The following RPS6KC1 variants were observed in gnomAD, a reference collection of about 807,000 sequenced individuals.
The protein encoded by RPS6KC1 is inactive ribosomal protein S6 kinase delta-1.
In RPS6KC1, 54 loss-of-function variants were observed where a neutral mutation model predicts 103.8. The observed-to-expected ratio is 0.52, with a 90% CI of 0.42 to 0.65. The LOEUF (loss-of-function observed/expected upper bound fraction) is 0.65. Among genes scored for constraint, RPS6KC1 ranks in the 30% least tolerant of loss-of-function variants. The probability of loss-of-function intolerance (pLI) is 0.00; values close to 1 mark genes in which losing one functional copy is unlikely to be tolerated. For synonymous variants in RPS6KC1, 439 were observed against 438.7 expected, an observed-to-expected ratio of 1.00 and a Z score of -0.01; for missense variants, 1,151 against 1,253.8, an observed-to-expected ratio of 0.92 and a Z score of 1.24.
the RPS6KC1 span, among the ~76,000 whole-genome samples, chr1:213,807,213 T>C: frequency 1.3e-5 from 2 of 152,202 alleles, no homozygotes; most frequent in Non-Finnish European, 2.9e-5. Context: ...GCCCTTAGCA[T>C]TTTTTCCTTC....
chr1:213,493,912 T>G, the RPS6KC1 span, among the ~76,000 whole-genome samples: 1 of 152,144 alleles, frequency 6.6e-6, no homozygotes, highest in Non-Finnish European at 1.5e-5. Context: ...GACAGGGATT[T>G]TATAGAGTAA....
chr1:213,288,295 G>A, the RPS6KC1 span, among the ~76,000 whole-genome samples: 1 of 152,220 alleles, frequency 6.6e-6, no homozygotes, highest in African/African-American at 2.4e-5. Context: ...CATCTGGGTC[G>A]ACCCTAGTGA....
chr1:213,849,055 T>C, the RPS6KC1 span, among the ~76,000 whole-genome samples: 1 of 152,328 alleles, frequency 6.6e-6, no homozygotes, highest in South Asian at 2.1e-4. Flanking sequence ...AACCAGTGCA[T>C]GAGTCCAGTG....
At chr1:213,387,989 C>T in the RPS6KC1 span, among the ~76,000 whole-genome samples, 3 of 152,236 alleles carry the variant, frequency 2.0e-5, no homozygotes, top group Non-Finnish European at 2.9e-5. Context: ...GTGTGAGGAA[C>T]TGACTCTATC....
intron 1 of RPS6KC1, among the ~76,000 whole-genome samples, chr1:213,064,892 G>A (rs2078174429): frequency 6.8e-6 from 1 of 146,916 alleles, no homozygotes; most frequent in South Asian, 2.2e-4. Context: ...AGCCAGGATG[G>A]TCTTGATCTC....
the RPS6KC1 span, among the ~76,000 whole-genome samples, chr1:213,383,025 G>T: frequency 6.6e-6 from 1 of 152,220 alleles, no homozygotes; most frequent in African/African-American, 2.4e-5. Context: ...TTCAGCCTTT[G>T]CCAGTGCATA....
the RPS6KC1 span, among the ~76,000 whole-genome samples, chr1:213,827,793 C>T: frequency 6.6e-6 from 1 of 152,124 alleles, no homozygotes; most frequent in Non-Finnish European, 1.5e-5. Flanking sequence ...GATGAGACAC[C>T]TGAAGGAGGG....
chr1:213,595,444 T>C, the RPS6KC1 span, among the ~76,000 whole-genome samples: 1 of 152,208 alleles, frequency 6.6e-6, no homozygotes, highest in East Asian at 1.9e-4. Context: ...AAACAGCCTC[T>C]TGTCCATTTC....
At chr1:213,051,996 T>G (rs1300053849) in intron 1 of RPS6KC1, among the ~76,000 whole-genome samples, 2 of 152,194 alleles carry the variant, frequency 1.3e-5, no homozygotes, top group Non-Finnish European at 2.9e-5. Flanking sequence ...ACCTAGGAAC[T>G]GTGGATCCGG....
chr1:213,446,145 T>C, the RPS6KC1 span, among the ~76,000 whole-genome samples: 2 of 152,202 alleles, frequency 1.3e-5, no homozygotes, highest in African/African-American at 4.8e-5. Context: ...TGCATGACTT[T>C]CCACTCCAGC....
the RPS6KC1 span, among the ~76,000 whole-genome samples, chr1:213,339,519 A>G: frequency 6.6e-6 from 1 of 152,238 alleles, no homozygotes; most frequent in African/African-American, 2.4e-5. Flanking sequence ...TCTCTGCAGC[A>G]TGGAATAAGC....
At chr1:213,500,986 G>A in the RPS6KC1 span, among the ~76,000 whole-genome samples, 2 of 152,186 alleles carry the variant, frequency 1.3e-5, no homozygotes, top group South Asian at 4.2e-4. Flanking sequence ...AAACTATAAA[G>A]TATTGCTGAA....
At chr1:213,314,010 G>T in the RPS6KC1 span, among the ~76,000 whole-genome samples, 39 of 152,206 alleles carry the variant, frequency 2.6e-4, no homozygotes, top group African/African-American at 9.4e-4. Context: ...GAGGCTACGA[G>T]TTCACAATCG....
the RPS6KC1 span, among the ~76,000 whole-genome samples, chr1:213,480,725 C>A: frequency 1.3e-5 from 2 of 152,058 alleles, no homozygotes; most frequent in Admixed American, 6.5e-5. Flanking sequence ...AAAAAAGTCT[C>A]CATTCTATCT....
the RPS6KC1 span, among the ~76,000 whole-genome samples, chr1:213,831,391 A>G: frequency 6.6e-6 from 1 of 152,176 alleles, no homozygotes; most frequent in Non-Finnish European, 1.5e-5. Flanking sequence ...GGAGTGATGT[A>G]AGGAAGGGGC....
chr1:213,554,098 C>G, the RPS6KC1 span, among the ~76,000 whole-genome samples: 1 of 152,274 alleles, frequency 6.6e-6, no homozygotes, highest in South Asian at 2.1e-4. Flanking sequence ...AAGTCTTTAT[C>G]AGGGCGGATG....
chr1:213,167,439 A>ACAC (rs2091061543), intron 6 of RPS6KC1, among the ~76,000 whole-genome samples: 1 of 75,946 alleles, frequency 1.3e-5, no homozygotes, highest in East Asian at 3.4e-4. Context: ...CAAGGTTGAA[A>ACAC]ACACACACAC....
chr1:213,617,907 T>C, the RPS6KC1 span, among the ~76,000 whole-genome samples: 1 of 152,204 alleles, frequency 6.6e-6, no homozygotes, highest in Non-Finnish European at 1.5e-5. Context: ...CTTCTCAGAA[T>C]GAAAAATGTG....
the RPS6KC1 span, among the ~76,000 whole-genome samples, chr1:213,525,248 G>C: frequency 1.3e-5 from 2 of 152,176 alleles, no homozygotes; most frequent in African/African-American, 4.8e-5. Flanking sequence ...TGTTTTGAAA[G>C]TAGAGAGACA....
Sources: gnomAD v4.1 joint callset for allele counts (sites outside exome capture counted in the v4.1 genomes callset) on GRCh38, gnomAD v4.1.1 for gene constraint, MANE v1.5 for transcripts, NCBI Gene and HGNC (gene_info 2026-07-23, HGNC 2026-07-21) for gene names.